PNLIPRP3: variants seen among roughly 807,000 people sequenced by gnomAD.
The protein encoded by PNLIPRP3 is pancreatic lipase related protein 3.
In PNLIPRP3, 58 loss-of-function variants were observed where a neutral mutation model predicts 52.8. The observed-to-expected ratio is 1.10, with a 90% CI of 0.89 to 1.37. The LOEUF (loss-of-function observed/expected upper bound fraction) is 1.37, where lower values mean the gene tolerates loss of function less well. Ranked by LOEUF, PNLIPRP3 falls within the 40% of genes most tolerant of loss-of-function variation. The probability of loss-of-function intolerance (pLI) is 0.00; values close to 1 mark genes in which losing one functional copy is unlikely to be tolerated. For synonymous variants in PNLIPRP3, 192 were observed against 185.0 expected (o/e 1.04, Z -0.31); for missense variants, 593 against 561.6 (o/e 1.06, Z -0.57).
Position 116,469,308 on chromosome 10 carries a change from C to G in PNLIPRP3, c.1051C>G (p.Pro351Ala). 4.4e-6 allele frequency: 7 copies of G among 1,602,258 alleles called. No homozygotes were observed. Among genetic ancestry groups the G allele is most frequent in the Non-Finnish European group, 6.0e-6 (7 of 1,175,582 alleles). ...HYFLNTGSLS[P>A]FARWRHKLSV... Reference sequence around the variant, plus strand: ...TTTTTTAAACACAGGGTCCCTTTCCCCATTTGCCCGTAAGTATCATAGCTA... The same window carrying G: ...TTTTTTAAACACAGGGTCCCTTTCCGCATTTGCCCGTAAGTATCATAGCTA... Residue 351 changes from proline to alanine, a missense_variant, in exon 9 of 12, where the codon CCA becomes GCA. Pro to Ala is a conservative substitution (Grantham distance 27). Transcript: ENST00000369230.
intron 4 of PNLIPRP3, among the ~76,000 whole-genome samples, chr10:116,446,446 TGA>T (rs961570642): frequency 7.9e-5 from 12 of 151,004 alleles, no homozygotes; most frequent in African/African-American, 2.7e-4. Context: ...CATATGTAAA[TGA>T]GAGAGAAAAT....
rs61744026 is a variant in PNLIPRP3, at chr10:116,439,749, G to C, written c.204+2884G>C. ...CGCAGAATTCTGAACAGAACAGGAA[G>C]AATCCAGACGGTGGCCTTTTAGGGG... is the stretch of plus-strand genomic sequence containing the variant. On this transcript the variant is annotated intron_variant, in intron 2 of 11. Transcript: ENST00000369230. 6,702 of 769,502 alleles carry C rather than the reference G, an allele frequency of 8.7e-3. 43 individuals are homozygous for C. Among genetic ancestry groups the C allele is most frequent in the Non-Finnish European group, 0.012 (4,948 of 414,584 alleles). 47.7% of individuals were successfully genotyped at this position (769,502 alleles called of 1,614,324 possible).
chr10:116,458,857 C>T (rs1846152338), intron 5 of PNLIPRP3, among the ~76,000 whole-genome samples: 1 of 152,124 alleles, frequency 6.6e-6, no homozygotes, highest in Non-Finnish European at 1.5e-5. Context: ...TATTGCATTC[C>T]TCTAGATCCA....
At chr10:116,434,892 C>T (rs920770827) in intron 1 of PNLIPRP3, among the ~76,000 whole-genome samples, 24 of 152,208 alleles carry the variant, frequency 1.6e-4, no homozygotes, top group African/African-American at 5.3e-4. Flanking sequence ...GAAGAAGGCA[C>T]ATGTTCATTC....
At chr10:116,444,961 A>G (rs142071814) in intron 4 of PNLIPRP3, among the ~76,000 whole-genome samples, 1 of 152,368 alleles carries the variant, frequency 6.6e-6, no homozygotes, top group African/African-American at 2.4e-5. Context: ...TTTAACACAC[A>G]TATTCTCTAA....
chr10:116,466,786 G>A (rs1331987046), intron 8 of PNLIPRP3, among the ~76,000 whole-genome samples: 1 of 152,170 alleles, frequency 6.6e-6, no homozygotes, highest in Non-Finnish European at 1.5e-5. Context: ...TTTTATCACG[G>A]TAGAAAATGT....
chr10:116,471,861 G>A lies in PNLIPRP3; in HGVS notation c.1154G>A (p.Gly385Glu), dbSNP rs760837463. Residue 385 changes from glycine (G) to glutamate (E), a missense_variant, in exon 10 of 12, where the codon GGG (glycine) becomes GAG (glutamate). Transcript: ENST00000369230. ...LRVGGAVRKTGEFAIVSGKLE... is the reference protein window; with the variant it reads ...LRVGGAVRKTEEFAIVSGKLE... ...GTAGGCGGGGCAGTTAGGAAAACTG[G>A]GGAGTTTGCCATTGTCAGGTAGGCA... 2.5e-6 allele frequency: 4 copies of A among 1,592,550 alleles called. No homozygotes were observed. Among genetic ancestry groups the A allele is most frequent in the Non-Finnish European group, 3.4e-6 (4 of 1,161,554 alleles).
At chr10:116,434,701 C>T (rs1845752056) in intron 1 of PNLIPRP3, among the ~76,000 whole-genome samples, 1 of 151,936 alleles carries the variant, frequency 6.6e-6, no homozygotes, top group South Asian at 2.1e-4. Flanking sequence ...TAGTTGAGGA[C>T]CTGGAGAAAA....
At chr10:116,452,130 C>T (rs1279918299) in intron 4 of PNLIPRP3, among the ~76,000 whole-genome samples, 1 of 152,166 alleles carries the variant, frequency 6.6e-6, no homozygotes, top group Non-Finnish European at 1.5e-5. Flanking sequence ...TACCAAAGTG[C>T]TTAGCTGCAT....
intron 2 of PNLIPRP3, among the ~76,000 whole-genome samples, chr10:116,442,721 C>G (rs187259732): frequency 6.6e-6 from 1 of 152,060 alleles, no homozygotes; most frequent in East Asian, 1.9e-4. Context: ...TAAAATTAGC[C>G]ATGTGTGGTG....
chr10:116,445,409 T>C (rs1845930821), intron 4 of PNLIPRP3, among the ~76,000 whole-genome samples: 1 of 152,216 alleles, frequency 6.6e-6, no homozygotes, highest in Non-Finnish European at 1.5e-5. Context: ...GTAAACATCC[T>C]GAAGAAGGAA....
intron 5 of PNLIPRP3, among the ~76,000 whole-genome samples, chr10:116,456,754 G>T (rs1846120941): frequency 6.6e-6 from 1 of 152,164 alleles, no homozygotes; most frequent in Non-Finnish European, 1.5e-5. Flanking sequence ...CCAACAGGCG[G>T]GGCTGGCCTC....
At chr10:116,452,939 A>G (rs913534936) in intron 4 of PNLIPRP3, among the ~76,000 whole-genome samples, 1 of 152,256 alleles carries the variant, frequency 6.6e-6, no homozygotes, top group Non-Finnish European at 1.5e-5. Flanking sequence ...GGAACTGCCT[A>G]GTGGATCTGT....
chr10:116,454,602 A>G (rs1427906873), intron 4 of PNLIPRP3, among the ~76,000 whole-genome samples: 2 of 152,226 alleles, frequency 1.3e-5, no homozygotes, highest in Non-Finnish European at 2.9e-5. Flanking sequence ...GTCCCTGATA[A>G]CTACTATTAT....
intron 5 of PNLIPRP3, among the ~76,000 whole-genome samples, chr10:116,456,701 C>T (rs2133137739): frequency 6.6e-6 from 1 of 152,150 alleles, no homozygotes; most frequent in Admixed American, 6.5e-5. Flanking sequence ...TTTTCCAAAC[C>T]AATTGTGTGA....
At chr10:116,440,778 T>C (rs1345246994) in intron 2 of PNLIPRP3, among the ~76,000 whole-genome samples, 3 of 152,214 alleles carry the variant, frequency 2.0e-5, no homozygotes, top group Non-Finnish European at 4.4e-5. Context: ...GAGTGACTTA[T>C]ACAGTCACTG....
chr10:116,440,084 A>C, intron 2 of PNLIPRP3: 1 of 689,980 alleles, frequency 1.4e-6, no homozygotes. Flanking sequence ...ACTTTTTTTT[A>C]AGTGAAGAGA....
Position 116,444,447 on chromosome 10 carries a change from C to T in PNLIPRP3, c.390C>T (p.Tyr130=), listed in dbSNP as rs1845912844. The T allele has an allele frequency of 6.2e-7, 1 of 1,613,052 alleles. No individual in the cohort carries two copies. Among genetic ancestry groups the T allele is most frequent in the Non-Finnish European group, 8.5e-7 (1 of 1,179,094 alleles). The stretch of plus-strand genomic sequence containing the variant: ...ATTGGATCAACGGTTCACGGGAATA[C>T]ATCCATGCTGTAAACAATCTCCGTG... ...NLDWINGSRE[Y]IHAVNNLRVV... Residue 130 remains tyrosine (Y), a synonymous_variant, in exon 4 of 12, where the codon TAC becomes TAT. Transcript: ENST00000369230.
In PNLIPRP3 at chr10:116,471,845, G is replaced by A. The variant is rs61729314; in HGVS notation, c.1138G>A (p.Ala380Thr). Residue 380 changes from alanine (A) to threonine (T), a missense_variant, in exon 10 of 12, where the codon GCA (alanine) becomes ACA (threonine). Ala to Thr is a moderately conservative substitution (Grantham distance 58, BLOSUM62 0). Transcript: ENST00000369230. ...AACTGTCTTTCTTCGTGTAGGCGGG[G>A]CAGTTAGGAAAACTGGGGAGTTTGC... ...QGTVFLRVGG[A>T]VRKTGEFAIV... 3 of 1,597,598 alleles carry A rather than the reference G, an allele frequency of 1.9e-6. No homozygotes were observed. Among genetic ancestry groups the A allele is most frequent in the South Asian group, 1.1e-5 (1 of 90,676 alleles).
Sources: gnomAD v4.1 joint callset for allele counts (sites outside exome capture counted in the v4.1 genomes callset) on GRCh38, gnomAD v4.1.1 for gene constraint, MANE v1.5 for transcripts, NCBI Gene and HGNC (gene_info 2026-07-23, HGNC 2026-07-21) for gene names.